The following DHX30 variants were observed in gnomAD, a reference collection of about 807,000 sequenced individuals.
DHX30 encodes DExH-box helicase 30, also known as ATP-dependent RNA helicase DHX30.
Under a neutral mutation model 116.9 loss-of-function variants are expected in DHX30, and 4 were observed. The ratio of observed to expected loss-of-function variants is 0.03; its 90% CI spans 0.02 to 0.08. The LOEUF is 0.08. Ranked by LOEUF, DHX30 falls within the 10% of genes least tolerant of loss-of-function variation. DHX30 has a pLI of 1.00. For synonymous variants in DHX30, 697 were observed against 651.7 expected, an observed-to-expected ratio of 1.07 and a Z score of -1.06; for missense variants, 871 against 1,595.1, an observed-to-expected ratio of 0.55 and a Z score of 7.73.
At chr3:47,829,316 T>TATA (rs139342520) in intron 6 of DHX30, among the ~76,000 whole-genome samples, 182 bp downstream of exon 6, 95 of 33,212 alleles carry the variant, frequency 2.9e-3, no homozygotes, top group African/African-American at 7.5e-3. Flanking sequence ...ATATATATAT[T>TATA]TTTTTTTTTT....
chr3:47,816,673 G>A, intron 3 of DHX30: 2 of 985,606 alleles, frequency 2.0e-6, no homozygotes, highest in Non-Finnish European at 2.4e-6. Flanking sequence ...GCCTTCTAAT[G>A]TGAGCAGAGC....
intron 6 of DHX30, among the ~76,000 whole-genome samples, chr3:47,832,349 CA>C (rs2036898991): frequency 6.6e-6 from 1 of 152,176 alleles, no homozygotes; most frequent in Non-Finnish European, 1.5e-5. Flanking sequence ...CCCTCTAAAA[CA>C]TCTTGATTGA....
chr3:47,841,526 A>C (rs2037373130), intron 7 of DHX30, 91 bp from the exon 8 acceptor site: 1 of 1,556,864 alleles, frequency 6.4e-7, no homozygotes, highest in Non-Finnish European at 8.7e-7. Flanking sequence ...TCCCTGCTGC[A>C]GCGCAGCGTC....
intron 9 of DHX30, among the ~76,000 whole-genome samples, chr3:47,843,781 C>T (rs1188075933): frequency 6.6e-6 from 1 of 152,180 alleles, no homozygotes; most frequent in East Asian, 1.9e-4. Flanking sequence ...TCACTGCAGC[C>T]TCGATCTCCT....
At chr3:47,831,930 C>CTTTCTCCCCTTTTTTTTTTTTTTT (rs2036874299) in intron 6 of DHX30, among the ~76,000 whole-genome samples, 1 of 127,466 alleles carries the variant, frequency 7.8e-6, no homozygotes, top group Non-Finnish European at 1.6e-5. Flanking sequence ...TTTCCTTTTT[C>CTTTCTCCCCTTTTTTTTTTTTTTT]TTTTTTTTTT....
Position 47,805,351 on chromosome 3 carries a change from A to G in DHX30, c.-97A>G, listed in dbSNP as rs2035469039. 1 of 398,994 alleles carries G rather than the reference A, an allele frequency of 2.5e-6. No individual in the cohort carries two copies. The highest frequency in any genetic ancestry group is 4.4e-6 in the Non-Finnish European group (1 of 226,100). 24.7% of individuals were successfully genotyped at this position (398,994 alleles called of 1,614,324 possible). On this transcript the variant is annotated 5_prime_UTR_variant, in exon 2 of 22. Coordinates refer to ENST00000445061, the MANE Select transcript of DHX30 (RefSeq NM_138615.3). ...GAGGAGGCCCAGCCTCGTGATGAGG[A>G]ATAGCAAGGAGAGAATTCAGCTCCA...
rs369958265 is a variant in DHX30 at position 47,848,433 on chromosome 3, G to C, written c.2494-36G>C. On this transcript the variant is annotated intron_variant, in intron 15 of 21. Coordinates refer to ENST00000445061, the MANE Select transcript of DHX30 (RefSeq NM_138615.3). This position sits in a 1 kb window ranked among gnomAD's most constrained non-coding sequence, Gnocchi z 9.4. The stretch of plus-strand genomic sequence containing the variant: ...GCTGGCCTGGGGACCAGGCAGGTGG[G>C]AGGCAGGCTCATGGCGGGCTCTGGC... 1.9e-6 allele frequency: 3 copies of C among 1,613,978 alleles called. No homozygotes were observed. In the African/African-American group the frequency reaches 4.0e-5, roughly 22 times the overall value.
chr3:47,816,398 G>T, intron 3 of DHX30: 1 of 979,684 alleles, frequency 1.0e-6, no homozygotes, highest in Non-Finnish European at 1.2e-6. Flanking sequence ...TTGTTCTGTG[G>T]CCAGGCTGGA....
intron 8 of DHX30, chr3:47,842,104 G>T: frequency 5.0e-6 from 1 of 198,492 alleles, no homozygotes; most frequent in Admixed American, 5.5e-5. Context: ...TTAACTCGTT[G>T]CTTTGAATTT....
At position 47,845,767 on chromosome 3, in the gene DHX30, G is replaced by A. The variant is rs1416229407; in HGVS notation, c.1007G>A (p.Arg336His). The change falls in exon 10 of 22, where the codon CGT (arginine) becomes CAT (histidine). Residue 336 changes from arginine to histidine, a missense_variant. Coordinates refer to ENST00000445061, the MANE Select transcript of DHX30 (RefSeq NM_138615.3). ...THAMYNLASL[R>H]ELGETQRRPC... Reference sequence around the variant, plus strand: ...GCCATGTATAACCTGGCCTCTTTGCGTGAGCTGGGTGAGACCCAGCGCCGA... The same window carrying A: ...GCCATGTATAACCTGGCCTCTTTGCATGAGCTGGGTGAGACCCAGCGCCGA... 4 of 1,612,538 alleles carry A rather than the reference G, an allele frequency of 2.5e-6. No homozygotes were observed. Among genetic ancestry groups the A allele is most frequent in the South Asian group, 1.1e-5 (1 of 91,032 alleles).
chr3:47,845,301 C>T (rs1019409636), intron 9 of DHX30, among the ~76,000 whole-genome samples: 6 of 152,098 alleles, frequency 3.9e-5, no homozygotes, highest in African/African-American at 1.2e-4. Context: ...GATTCTCGTG[C>T]CTCAGCCTCC....
chr3:47,841,767 G>T (rs374735711), intron 8 of DHX30, 30 bp downstream of exon 8: 4 of 1,614,044 alleles, frequency 2.5e-6, no homozygotes, highest in Non-Finnish European at 3.4e-6. Flanking sequence ...AGTTTGTGTG[G>T]GGGCCGTTTA....
At chr3:47,816,295 G>A (rs2036048711) in intron 3 of DHX30, 2 of 984,396 alleles carry the variant, frequency 2.0e-6, no homozygotes, top group Non-Finnish European at 2.4e-6. Context: ...AAGATGCTTT[G>A]GACTACCTAG....
intron 2 of DHX30, among the ~76,000 whole-genome samples, chr3:47,809,234 CTTTTTTTTT>C (rs71070231): frequency 1.9e-4 from 12 of 63,532 alleles, no homozygotes; most frequent in South Asian, 7.4e-4. Context: ...AATGTAACTT[CTTTTTTTTT>C]TTTTTTTTTT....
At position 47,846,254 on chromosome 3, in the gene DHX30, T is replaced by G. The variant is rs915616694; in HGVS notation, c.1182T>G (p.Ser394Arg). 6.2e-7 allele frequency: 1 copy of G among 1,614,198 alleles called. No individual in the cohort carries two copies. Among genetic ancestry groups the G allele is most frequent in the Non-Finnish European group, 8.5e-7 (1 of 1,180,034 alleles). The stretch of plus-strand genomic sequence containing the variant: ...TGGGCAAGGACTCAGGGCCTCTGAG[T>G]GACCCTATCACAGGCAAGCCCTATG... ...LPLGKDSGPLSDPITGKPYVP... is the reference protein window; with the variant it reads ...LPLGKDSGPLRDPITGKPYVP... The change falls in exon 11 of 22, where the codon AGT becomes AGG. Residue 394 changes from serine (S) to arginine (R), a missense_variant. By Grantham distance (110) the Ser-to-Arg change is moderately radical. Transcript: ENST00000445061.
In DHX30 at chr3:47,846,179, T is replaced by C; in HGVS notation, c.1107T>C (p.Ser369=). ...ETFLNHYPVE[S]SWIAPELRLQ... ...CTGCCCTCCAGTACCCTGTGGAGAG[T>C]TCATGGATCGCCCCAGAACTCCGGC... Residue 369 remains serine, a synonymous_variant, in exon 11 of 22, where the codon AGT becomes AGC. Coordinates refer to ENST00000445061, the MANE Select transcript of DHX30 (RefSeq NM_138615.3). 1 of 1,612,978 alleles carries C rather than the reference T, an allele frequency of 6.2e-7. No individual in the cohort carries two copies. Among genetic ancestry groups the C allele is most frequent in the Middle Eastern group, 1.7e-4 (1 of 6,060 alleles).
At chr3:47,812,796 T>C (rs1282964033) in intron 3 of DHX30, among the ~76,000 whole-genome samples, 1 of 150,738 alleles carries the variant, frequency 6.6e-6, no homozygotes, top group Non-Finnish European at 1.5e-5. Context: ...CCCGAGTAGC[T>C]GGGACTACAG....
intron 4 of DHX30, chr3:47,821,994 A>G (rs544207029): frequency 1.3e-5 from 2 of 152,350 alleles, no homozygotes; most frequent in East Asian, 3.9e-4. Flanking sequence ...TTTCTGTTGC[A>G]GTTATTTGAC....
At chr3:47,845,034 G>T (rs2037538670) in intron 9 of DHX30, among the ~76,000 whole-genome samples, 1 of 152,052 alleles carries the variant, frequency 6.6e-6, no homozygotes, top group Admixed American at 6.6e-5. Flanking sequence ...TGGCTGGTCT[G>T]AGGGTACATG....
Sources: gnomAD v4.1 joint callset for allele counts (sites outside exome capture counted in the v4.1 genomes callset) on GRCh38, gnomAD v4.1.1 for gene constraint, Gnocchi (gnomAD v3.1) non-coding constraint, MANE v1.5 for transcripts, NCBI Gene and HGNC (gene_info 2026-07-23, HGNC 2026-07-21) for gene names.